Variants in CWC27 observed in about 807,000 individuals in gnomAD.
CWC27 encodes spliceosome-associated protein CWC27 homolog.
CWC27 carries 47 observed loss-of-function variants against 63.6 expected under a neutral mutation model. The observed-to-expected ratio is 0.74, with a 90% confidence interval of 0.58 to 0.94. The LOEUF is 0.94. CWC27 is among the 40% of genes least tolerant of loss of function. The pLI is 0.00. For missense variants in CWC27, 495 were observed against 554.3 expected (o/e 0.89, Z 1.07); for synonymous variants, 175 against 179.8 (o/e 0.97, Z 0.22).
At chr5:64,986,081 T>C (rs2112453981) in intron 13 of CWC27, among the ~76,000 whole-genome samples, 1 of 152,198 alleles carries the variant, frequency 6.6e-6, no homozygotes, top group African/African-American at 2.4e-5. Flanking sequence ...CTGCTTGCAT[T>C]TCTCTCTCCT....
intron 10 of CWC27, among the ~76,000 whole-genome samples, chr5:64,825,840 C>T (rs1360164113): frequency 6.6e-6 from 1 of 152,168 alleles, no homozygotes; most frequent in Non-Finnish European, 1.5e-5. Flanking sequence ...CGTCTACAAT[C>T]AGTGACTTAG....
At chr5:64,978,435 G>A (rs1339486876) in intron 13 of CWC27, among the ~76,000 whole-genome samples, 3 of 152,082 alleles carry the variant, frequency 2.0e-5, no homozygotes, top group African/African-American at 4.8e-5. Context: ...ATATAGATTT[G>A]TTTATACAAA....
Position 64,875,388 on chromosome 5 carries a change from AAGGGCACAT to A in CWC27, c.939-10052_939-10044del, listed in dbSNP as rs137934854. On this transcript the variant is annotated intron_variant, in intron 10 of 13. Coordinates refer to ENST00000381070, the MANE Select transcript of CWC27 (RefSeq NM_005869.4). ...GTAAGTAATGGTGTAGCAGATTATA[AAGGGCACAT>A]AGAACATTAGCTCTCAGATTAAATG... Among the ~76,000 whole-genome samples the A allele has an allele frequency of 1.4e-3, 220 of 152,264 alleles. 2 individuals carry two copies. The highest frequency in any genetic ancestry group is 2.4e-3 in the Non-Finnish European group (161 of 67,992).
intron 13 of CWC27, among the ~76,000 whole-genome samples, chr5:65,012,857 T>C (rs1749986358): frequency 6.6e-6 from 1 of 152,222 alleles, no homozygotes; most frequent in Non-Finnish European, 1.5e-5. Flanking sequence ...TGCCCTTTAC[T>C]TTGACTGCAT....
At chr5:64,895,486 T>G (rs1232418334) in intron 11 of CWC27, among the ~76,000 whole-genome samples, 3 of 152,168 alleles carry the variant, frequency 2.0e-5, no homozygotes, top group Admixed American at 6.5e-5. Flanking sequence ...TGTAGAAGCC[T>G]GATACAAACA....
At chr5:64,956,831 A>G (rs1489493081) in intron 11 of CWC27, among the ~76,000 whole-genome samples, 2 of 152,166 alleles carry the variant, frequency 1.3e-5, no homozygotes, top group African/African-American at 4.8e-5. Flanking sequence ...GAGATAACCT[A>G]TCTAAACCTC....
At chr5:65,016,865 A>G (rs948925770) in intron 13 of CWC27, among the ~76,000 whole-genome samples, 2 of 152,170 alleles carry the variant, frequency 1.3e-5, no homozygotes, top group Non-Finnish European at 2.9e-5. Context: ...CTCTGCTTAT[A>G]TGGGGGAAAA....
intron 12 of CWC27, 122 bp downstream of exon 12, chr5:64,971,934 G>T: frequency 1.9e-6 from 1 of 519,630 alleles, no homozygotes; most frequent in Middle Eastern, 5.3e-4. Context: ...AAATAAAAAA[G>T]AATATATTTA....
chr5:64,944,785 T>A (rs1029552143), intron 11 of CWC27, among the ~76,000 whole-genome samples: 1 of 152,198 alleles, frequency 6.6e-6, no homozygotes, highest in South Asian at 2.1e-4. Context: ...TCTCTTTGTT[T>A]CTACAAGTGA....
At chr5:65,011,270 G>A (rs1749951178) in intron 13 of CWC27, among the ~76,000 whole-genome samples, 1 of 152,200 alleles carries the variant, frequency 6.6e-6, no homozygotes, top group Non-Finnish European at 1.5e-5. Context: ...AGCACCTGCA[G>A]CCTAGTAAGG....
intron 13 of CWC27, among the ~76,000 whole-genome samples, chr5:64,997,171 T>C (rs1415935987): frequency 6.6e-6 from 1 of 152,162 alleles, no homozygotes; most frequent in Non-Finnish European, 1.5e-5. Context: ...TAATTTTTCA[T>C]AGGAATATAA....
intron 10 of CWC27, among the ~76,000 whole-genome samples, chr5:64,825,991 G>A (rs560704070): frequency 2.6e-5 from 4 of 152,276 alleles, no homozygotes; most frequent in South Asian, 4.1e-4. Flanking sequence ...GTTCCAGCAC[G>A]CCCTTCCTGA....
At chr5:64,799,908 T>C (rs568875399) in intron 7 of CWC27, among the ~76,000 whole-genome samples, 1 of 152,154 alleles carries the variant, frequency 6.6e-6, no homozygotes, top group Admixed American at 6.5e-5. Flanking sequence ...TTCAATACTC[T>C]TGTGATGTAG....
chr5:64,933,554 G>A (rs1490328786), intron 11 of CWC27, among the ~76,000 whole-genome samples: 10 of 148,682 alleles, frequency 6.7e-5, no homozygotes, highest in African/African-American at 1.5e-4. Context: ...GTACAGTGGC[G>A]CGATCTCGGC....
At chr5:64,966,519 C>T (rs1326791283) in intron 11 of CWC27, among the ~76,000 whole-genome samples, 4 of 152,080 alleles carry the variant, frequency 2.6e-5, no homozygotes, top group Non-Finnish European at 5.9e-5. Context: ...TTATCATCCC[C>T]AGTTTATAGC....
rs536138829 is a variant in CWC27 at position 64,853,332 on chromosome 5, A to G, written c.939-32111A>G. 1.1e-4 allele frequency among the ~76,000 whole-genome samples: 16 copies of G among 152,294 alleles called. No individual in the cohort carries two copies. The East Asian group carries it at 3.1e-3, about 29-fold the overall frequency. On this transcript the variant is annotated intron_variant, in intron 10 of 13. Coordinates refer to ENST00000381070, the MANE Select transcript of CWC27 (RefSeq NM_005869.4). Reference sequence around the variant, plus strand: ...GAGCATTGCAAAACTTCTCGACCCTATTTCAACAGATGACCAAGAATTTAA... The same window carrying G: ...GAGCATTGCAAAACTTCTCGACCCTGTTTCAACAGATGACCAAGAATTTAA...
In CWC27 at chr5:65,018,520, T is replaced by G. The variant is rs1272636100; in HGVS notation, c.*199T>G. The G allele has an allele frequency of 1.2e-5, 5 of 425,582 alleles. 1 individual carries two copies. Among genetic ancestry groups the G allele is most frequent in the Non-Finnish European group, 2.0e-5 (5 of 244,410 alleles). 26.4% of individuals were successfully genotyped at this position (425,582 alleles called of 1,614,324 possible). ...TGCTTTTGGTTACTGGTACATGTGT[T>G]TTTTCCTAGCTGACCTTTTATATTG... On this transcript the variant is annotated 3_prime_UTR_variant, in exon 14 of 14. Transcript: ENST00000381070.
chr5:64,844,925 A>T, intron 10 of CWC27: 1 of 456,720 alleles, frequency 2.2e-6, no homozygotes, highest in South Asian at 1.5e-5. Flanking sequence ...TCTCCCAGGA[A>T]ATTACTCTGC....
At chr5:64,861,074 C>T (rs187229928) in intron 10 of CWC27, among the ~76,000 whole-genome samples, 17 of 152,212 alleles carry the variant, frequency 1.1e-4, no homozygotes, top group Non-Finnish European at 2.4e-4. Flanking sequence ...TGTTTCAACC[C>T]GTAGGGTCAT....
Sources: allele counts gnomAD v4.1 joint callset (sites outside exome capture counted in the v4.1 genomes callset), GRCh38; gene constraint gnomAD v4.1.1; transcripts MANE v1.5; gene names NCBI Gene and HGNC (gene_info 2026-07-23, HGNC 2026-07-21).